The following DRICH1 variants were observed in gnomAD, a reference collection of about 807,000 sequenced individuals.
The protein encoded by DRICH1 is aspartate-rich protein 1.
In DRICH1, 38 loss-of-function variants were observed where a neutral mutation model predicts 39.5. The observed-to-expected ratio is 0.96, with a 90% confidence interval of 0.74 to 1.26. The LOEUF is 1.26. Ranked by LOEUF, DRICH1 falls within the 50% of genes most tolerant of loss-of-function variation. DRICH1 has a pLI of 0.00. For synonymous variants in DRICH1, 84 were observed against 99.5 expected, an observed-to-expected ratio of 0.84 and a Z score of 0.93; for missense variants, 279 against 270.4, an observed-to-expected ratio of 1.03 and a Z score of -0.22.
the DRICH1 span, among the ~76,000 whole-genome samples, chr22:23,582,659 G>A: frequency 2.4e-4 from 36 of 151,924 alleles, no homozygotes; most frequent in Admixed American, 2.0e-3. Flanking sequence ...TCTGCCTCCC[G>A]GGTTCGAGCA....
intron 1 of DRICH1, among the ~76,000 whole-genome samples, chr22:23,628,678 G>T (rs1928216614): frequency 6.6e-6 from 1 of 152,180 alleles, no homozygotes; most frequent in Non-Finnish European, 1.5e-5. Context: ...AAAAGAAAAA[G>T]TCATCTGTCC....
the DRICH1 span, among the ~76,000 whole-genome samples, chr22:23,599,014 G>A: frequency 6.6e-6 from 1 of 152,176 alleles, no homozygotes; most frequent in African/African-American, 2.4e-5. Context: ...TGTTAAATGG[G>A]ACCAAGATCC....
At chr22:23,604,779 G>GGGGACA, downstream of DRICH1, among the ~76,000 whole-genome samples, 1 of 152,236 alleles carries the variant, frequency 6.6e-6, no homozygotes, top group East Asian at 1.9e-4. Flanking sequence ...CATCAGCTCA[G>GGGGACA]GGGACAGGGA....
At chr22:23,589,361 G>C in the DRICH1 span, among the ~76,000 whole-genome samples, 14 of 151,952 alleles carry the variant, frequency 9.2e-5, no homozygotes, top group African/African-American at 3.4e-4. Context: ...TGAGGTGGAA[G>C]AATCACCTGA....
the DRICH1 span, among the ~76,000 whole-genome samples, chr22:23,603,045 G>A: frequency 2.5e-4 from 32 of 125,596 alleles, 1 homozygote; most frequent in African/African-American, 7.7e-4. Context: ...TCTCTCTGTC[G>A]CCCAGGCTGG....
At chr22:23,619,169 C>A (rs1349037897) in intron 6 of DRICH1, among the ~76,000 whole-genome samples, 195 bp downstream of exon 6, 3 of 103,072 alleles carry the variant, frequency 2.9e-5, no homozygotes, top group East Asian at 3.3e-4. Context: ...GAGACTCCGT[C>A]TCAAAAAAAA....
intron 3 of DRICH1, chr22:23,623,810 G>T: frequency 5.1e-6 from 2 of 391,140 alleles, no homozygotes; most frequent in Non-Finnish European, 6.9e-6. Context: ...TATCACAGAT[G>T]TAGAATAGAG....
At chr22:23,590,327 A>G in the DRICH1 span, among the ~76,000 whole-genome samples, 1 of 144,254 alleles carries the variant, frequency 6.9e-6, no homozygotes, top group African/African-American at 2.6e-5. Context: ...ACCCTGGCTG[A>G]AGTGCAGTGG....
At chr22:23,601,399 T>C in the DRICH1 span, among the ~76,000 whole-genome samples, 131 of 152,292 alleles carry the variant, frequency 8.6e-4, no homozygotes, top group Middle Eastern at 3.4e-3. Flanking sequence ...TAGGTTGCAA[T>C]TGAGCCACCT....
chr22:23,606,186 TTCC>T (rs1424710819), downstream of DRICH1, among the ~76,000 whole-genome samples: 12 of 152,194 alleles, frequency 7.9e-5, no homozygotes, highest in East Asian at 1.9e-3. Flanking sequence ...GGGGTTGATG[TTCC>T]TCCTCAACCC....
At chr22:23,613,687 T>C (rs1846363690) in intron 9 of DRICH1, 27 bp from the exon 10 acceptor site, 5 of 1,559,246 alleles carry the variant, frequency 3.2e-6, no homozygotes, top group Admixed American at 3.4e-5. Flanking sequence ...GAAAACATTA[T>C]GAAAATCAGA....
rs1363623229 is a variant in DRICH1 at position 23,608,787 on chromosome 22, C to T, written c.686-19G>A. 3.8e-6 allele frequency: 6 copies of T among 1,558,482 alleles called. No homozygotes were observed. The highest frequency in any genetic ancestry group is 5.2e-6 in the Non-Finnish European group (6 of 1,149,848). ...CTTCACCCTGGATGAAGAGATAATC[C>T]CTTTTTAGTGAGAGCAGGCTCCCAG... On this transcript the variant is annotated intron_variant, in intron 11 of 11. Transcript: ENST00000317749.
chr22:23,599,689 C>A, the DRICH1 span, among the ~76,000 whole-genome samples: 1 of 152,174 alleles, frequency 6.6e-6, no homozygotes, highest in Admixed American at 6.5e-5. Flanking sequence ...CCAGCATGCC[C>A]TTCCTCCCTC....
At chr22:23,587,126 T>C in the DRICH1 span, among the ~76,000 whole-genome samples, 2 of 152,226 alleles carry the variant, frequency 1.3e-5, no homozygotes, top group Admixed American at 6.5e-5. Flanking sequence ...CGCATCTCTA[T>C]GATGGGATTT....
chr22:23,588,112 G>A, the DRICH1 span, among the ~76,000 whole-genome samples: 1 of 152,092 alleles, frequency 6.6e-6, no homozygotes, highest in Non-Finnish European at 1.5e-5. Flanking sequence ...TTTTGCTACT[G>A]TCCAGTTCTG....
chr22:23,625,710 A>G (rs536677389), intron 2 of DRICH1, among the ~76,000 whole-genome samples: 11 of 152,040 alleles, frequency 7.2e-5, no homozygotes, highest in Non-Finnish European at 1.6e-4. Flanking sequence ...GCCCCTACCC[A>G]ACAATCGATG....
chr22:23,596,380 T>A, the DRICH1 span, among the ~76,000 whole-genome samples: 1 of 152,040 alleles, frequency 6.6e-6, no homozygotes, highest in African/African-American at 2.4e-5. Flanking sequence ...CCACCTCAGC[T>A]TCGCAAGTAG....
chr22:23,593,924 G>A, the DRICH1 span, among the ~76,000 whole-genome samples: 2 of 148,950 alleles, frequency 1.3e-5, no homozygotes, highest in East Asian at 3.9e-4. Flanking sequence ...GTTGCAGTGA[G>A]CTGAGATGTC....
the DRICH1 span, among the ~76,000 whole-genome samples, chr22:23,594,861 C>T: frequency 6.6e-6 from 1 of 151,832 alleles, no homozygotes. Context: ...TGACACCTCC[C>T]AATCACACAG....
Sources: allele counts gnomAD v4.1 joint callset (sites outside exome capture counted in the v4.1 genomes callset), GRCh38; gene constraint gnomAD v4.1.1; transcripts MANE v1.5; gene names NCBI Gene and HGNC (gene_info 2026-07-23, HGNC 2026-07-21).